PXMP2: variants seen among roughly 807,000 people sequenced by gnomAD.
PXMP2 encodes the protein peroxisomal membrane protein 2, also known as 22 kDa peroxisomal membrane protein.
A neutral mutation model predicts 20.2 loss-of-function variants in PXMP2; 13 were observed. That is an observed-to-expected ratio of 0.64 (90% CI 0.42 to 1.02). The LOEUF is 1.02. Ranked by LOEUF, PXMP2 falls within the 50% of genes least tolerant of loss-of-function variation. PXMP2 has a pLI of 0.00. For missense variants in PXMP2, 284 were observed against 251.8 expected (o/e 1.13, Z -0.87); for synonymous variants, 113 against 111.2 (o/e 1.02, Z -0.10).
chr12:132,688,597 A>G (rs1233647973), intron 1 of PXMP2, among the ~76,000 whole-genome samples: 37 of 10,102 alleles, frequency 3.7e-3, no homozygotes, highest in East Asian at 6.3e-3. Flanking sequence ...GGGCACGGGT[A>G]AAGACAGGGC....
chr12:132,704,039 T>C (rs2043456791), intron 4 of PXMP2, among the ~76,000 whole-genome samples: 1 of 152,158 alleles, frequency 6.6e-6, no homozygotes, highest in Admixed American at 6.5e-5. Context: ...AAGCGTTTCC[T>C]GAGCAGTGAC....
At chr12:132,693,807 C>T (rs1469766122) in intron 2 of PXMP2, among the ~76,000 whole-genome samples, 21 of 95,310 alleles carry the variant, frequency 2.2e-4, no homozygotes, top group East Asian at 5.4e-4. Context: ...GCTCCCTTAG[C>T]CAGTTAGTTA....
rs557360332 is a variant in PXMP2, at chr12:132,704,250, C to T, written c.520-369C>T. ...GAAGGTCTGGGGCCCCTCCGCTGTT[C>T]GTCAGCTGTGTCCCCTGAGGAGGGT... On this transcript the variant is annotated intron_variant, in intron 4 of 4. Transcript: ENST00000317479. Among the ~76,000 whole-genome samples the T allele has an allele frequency of 1.1e-4, 17 of 152,172 alleles. No homozygotes were observed. In the East Asian group the frequency reaches 2.5e-3, roughly 23 times the overall value.
chr12:132,687,791 A>G lies in PXMP2; in HGVS notation c.121A>G (p.Ser41Gly). 1.2e-5 allele frequency: 14 copies of G among 1,158,114 alleles called. No homozygotes were observed. The highest frequency in any genetic ancestry group is 1.5e-5 in the Non-Finnish European group (14 of 941,290). 71.7% of individuals were successfully genotyped at this position (1,158,114 alleles called of 1,614,324 possible). A position where few individuals can be genotyped will look rare whatever the true frequency, so the allele number is the denominator to read the frequency against. The change falls in exon 1 of 5, where the codon AGT becomes GGT. Residue 41 changes from serine to glycine, a missense_variant and splice_region_variant. Ser to Gly is a moderately conservative substitution (Grantham distance 56). Coordinates refer to ENST00000317479, the MANE Select transcript of PXMP2 (RefSeq NM_018663.3). Reference protein sequence around the residue: ...LYPVLTKAATSGILSALGNFL... With the variant: ...LYPVLTKAATGGILSALGNFL... ...CCCGGTGCTCACCAAGGCGGCCACC[A>G]GGTGAGCGGGGGCGCGGGAATCGGA...
Position 132,704,607 on chromosome 12 carries a change from T to A in PXMP2, c.520-12T>A. ...CGCTGACCGTGGCCTGTTGGACTGT[T>A]CTTTTCGGCAGTTCCGGGTGCTCTT... On this transcript the variant is annotated splice_polypyrimidine_tract_variant and intron_variant, in intron 4 of 4. Transcript: ENST00000317479. The A allele has an allele frequency of 7.0e-7, 1 of 1,435,370 alleles. No individual in the cohort carries two copies. The highest frequency in any genetic ancestry group is 1.5e-5 in the African/African-American group (1 of 68,704). 88.9% of individuals were successfully genotyped at this position (1,435,370 alleles called of 1,614,324 possible).
At chr12:132,704,470 C>T (rs1026729234) in intron 4 of PXMP2, 149 bp from the exon 5 acceptor site, 23 of 522,800 alleles carry the variant, frequency 4.4e-5, no homozygotes, top group African/African-American at 5.9e-5. Flanking sequence ...GCGTTTGGTA[C>T]GAACAAAGGC....
intron 4 of PXMP2, among the ~76,000 whole-genome samples, chr12:132,703,045 C>T (rs2043451528): frequency 6.6e-6 from 1 of 152,194 alleles, no homozygotes; most frequent in South Asian, 2.1e-4. Flanking sequence ...GTGGCCCTTC[C>T]CAGAGCAATT....
At chr12:132,704,361 T>G (rs1285869952) in intron 4 of PXMP2, among the ~76,000 whole-genome samples, 1 of 151,492 alleles carries the variant, frequency 6.6e-6, no homozygotes, top group Non-Finnish European at 1.5e-5. Context: ...AAAAGGAGAG[T>G]GACTTGGCTT....
At chr12:132,700,500 G>A (rs781616333) in intron 3 of PXMP2, among the ~76,000 whole-genome samples, 34 of 151,988 alleles carry the variant, frequency 2.2e-4, no homozygotes, top group Non-Finnish European at 3.5e-4. Flanking sequence ...GTTTGTATCC[G>A]TTGCCCACTT....
At chr12:132,695,273 CAGTT>C (rs753022386) in intron 2 of PXMP2, among the ~76,000 whole-genome samples, 97 of 151,524 alleles carry the variant, frequency 6.4e-4, no homozygotes, top group Non-Finnish European at 1.1e-3. Flanking sequence ...GTGCCCTTGC[CAGTT>C]AGTTAGCCTA....
chr12:132,701,347 A>C lies in PXMP2; in HGVS notation c.497A>C (p.Asn166Thr). 6.2e-7 allele frequency: 1 copy of C among 1,613,154 alleles called. No homozygotes were observed. Among genetic ancestry groups the C allele is most frequent in the Non-Finnish European group, 8.5e-7 (1 of 1,179,824 alleles). ...GTGTGGACGCCACTACAGTTCATCA[A>C]CATCAACTACGTCCCTCTGAAGGTG... ...WRVWTPLQFI[N>T]INYVPLKFRV... The change falls in exon 4 of 5, where the codon AAC becomes ACC. Residue 166 changes from asparagine to threonine, a missense_variant. By Grantham distance (65) the Asn-to-Thr change is moderately conservative (BLOSUM62 0). Coordinates refer to ENST00000317479, the MANE Select transcript of PXMP2 (RefSeq NM_018663.3).
intron 2 of PXMP2, among the ~76,000 whole-genome samples, chr12:132,693,625 CAGTGAGCGCCCTTGCCAGTT>C (rs2043387202): frequency 8.1e-5 from 3 of 37,082 alleles, no homozygotes; most frequent in South Asian, 8.1e-4. Flanking sequence ...CCTTGCCAGT[CAGTGAGCGCCCTTGCCAGTT>C]AGTGAGCGCC....
intron 2 of PXMP2, among the ~76,000 whole-genome samples, chr12:132,692,693 T>TA (rs202135320): frequency 0.056 from 6,633 of 118,456 alleles, 73 homozygotes; most frequent in Non-Finnish European, 0.071. Flanking sequence ...TGAGCGCCCT[T>TA]GCCAGTTAGT....
chr12:132,694,651 T>TA (rs1421494487), intron 2 of PXMP2, among the ~76,000 whole-genome samples: 1 of 123,894 alleles, frequency 8.1e-6, no homozygotes, highest in African/African-American at 3.7e-5. Context: ...GCCAGTTAGT[T>TA]AGTGAGCTCC....
rs773411641 is a variant in PXMP2, at chr12:132,701,317, GGC to G, written c.469_470del (p.Arg157GlyfsTer83). On this transcript the variant is annotated frameshift_variant, in exon 4 of 5. Transcript: ENST00000317479. LOFTEE classifies it high-confidence loss of function. ...TTCTGGCCGGCGCTGAGGATGAACT[GGC>G]GGGTGTGGACGCCACTACAGTTCAT... is the stretch of plus-strand genomic sequence containing the variant. The G allele has an allele frequency of 1.5e-5, 25 of 1,613,216 alleles. No homozygotes were observed. The African/African-American group carries it at 1.9e-4, about 12-fold the overall frequency.
chr12:132,692,672 CAGTT>C (rs1217870542), intron 2 of PXMP2, among the ~76,000 whole-genome samples: 2 of 122,564 alleles, frequency 1.6e-5, no homozygotes, highest in African/African-American at 6.0e-5. Context: ...CGCCCTTAGC[CAGTT>C]AGTTAGTGAG....
rs539601281 is a variant in PXMP2, at chr12:132,696,066, C to T, written c.399+20C>T. 34 of 1,579,450 alleles carry T rather than the reference C, an allele frequency of 2.2e-5. No individual in the cohort carries two copies. Among genetic ancestry groups the T allele is most frequent in the Non-Finnish European group, 2.9e-5 (33 of 1,157,470 alleles). ...CTGGAGGTGGGTGTCTGCCACAGCACTTACTGCAGCTCTTCGTTTAGCACA... is the reference window on the plus strand; with the variant it reads ...CTGGAGGTGGGTGTCTGCCACAGCATTTACTGCAGCTCTTCGTTTAGCACA... On this transcript the variant is annotated intron_variant, in intron 3 of 4. Transcript: ENST00000317479. The surrounding 1 kb of genome is among the most constrained non-coding windows in gnomAD (Gnocchi z 4.4).
intron 4 of PXMP2, 62 bp from the exon 5 acceptor site, chr12:132,704,557 G>A (rs988780316): frequency 1.6e-6 from 2 of 1,288,326 alleles, no homozygotes; most frequent in Admixed American, 3.0e-5. Flanking sequence ...GGGTGACTGA[G>A]GCTGGATAAC....
chr12:132,702,544 C>T lies in PXMP2; in HGVS notation c.519+1175C>T, dbSNP rs75200581. ...GGCCTGGCAGAGCCTGCAGGGGCCA[C>T]GTGCTTCCCTCCCCCAGAAGGTATG... On this transcript the variant is annotated intron_variant, in intron 4 of 4. Coordinates refer to ENST00000317479, the MANE Select transcript of PXMP2 (RefSeq NM_018663.3). 2.4e-3 allele frequency: 747 copies of T among 314,902 alleles called. 6 individuals are homozygous for T. The highest frequency in any genetic ancestry group is 0.015 in the African/African-American group (678 of 44,562). 19.5% of individuals were successfully genotyped at this position (314,902 alleles called of 1,614,324 possible).
Sources: gnomAD v4.1 joint callset for allele counts (sites outside exome capture counted in the v4.1 genomes callset) on GRCh38, gnomAD v4.1.1 for gene constraint, Gnocchi (gnomAD v3.1) non-coding constraint, MANE v1.5 for transcripts, NCBI Gene and HGNC (gene_info 2026-07-23, HGNC 2026-07-21) for gene names.